PLA2G5: variants seen among roughly 807,000 people sequenced by gnomAD.
PLA2G5 encodes the protein phospholipase A2 group V.
Under a neutral mutation model 15.9 loss-of-function variants are expected in PLA2G5, and 12 were observed. That is an observed-to-expected ratio of 0.76 (90% CI 0.48 to 1.23). The LOEUF (loss-of-function observed/expected upper bound fraction) is 1.23, where lower values mean the gene tolerates loss of function less well. Among genes scored for constraint, PLA2G5 ranks in the 50% most tolerant of loss-of-function variants. The pLI is 0.00. For missense variants in PLA2G5, 169 were observed against 177.1 expected, an observed-to-expected ratio of 0.95 and a Z score of 0.26; for synonymous variants, 71 against 71.4, an observed-to-expected ratio of 0.99 and a Z score of 0.03.
At chr1:20,028,497 G>A (rs941255323) in exon 1 of PLA2G5, 6 of 151,818 alleles carry the variant, frequency 4.0e-5, no homozygotes, top group Non-Finnish European at 8.8e-5. Flanking sequence ...AAAAGGAAGA[G>A]GGGCGTTGTT....
chr1:20,089,946 G>A, intron 4 of PLA2G5, 51 bp downstream of exon 4: 1 of 1,327,942 alleles, frequency 7.5e-7, no homozygotes, highest in Non-Finnish European at 1.1e-6. Flanking sequence ...CTGACTTTAA[G>A]TTCAGCTGCC....
exon 2 of PLA2G5, chr1:20,059,682 C>T (rs530904446): frequency 1.3e-5 from 2 of 152,326 alleles, no homozygotes; most frequent in South Asian, 4.1e-4. Flanking sequence ...ATGGCTAAGG[C>T]TTCCTTGCAG....
At chr1:20,044,796 G>T (rs1246178082) in intron 1 of PLA2G5, among the ~76,000 whole-genome samples, 4 of 152,070 alleles carry the variant, frequency 2.6e-5, no homozygotes, top group African/African-American at 9.7e-5. Flanking sequence ...GCCTGGCAGG[G>T]TGCGATCTGA....
chr1:20,060,988 A>G (rs1313224248), intron 2 of PLA2G5, among the ~76,000 whole-genome samples: 2 of 152,158 alleles, frequency 1.3e-5, no homozygotes, highest in Non-Finnish European at 2.9e-5. Flanking sequence ...AAGTGCCGGG[A>G]TTACAGGCAT....
At chr1:20,077,786 T>C (rs1259762531) in intron 1 of PLA2G5, among the ~76,000 whole-genome samples, 1 of 152,212 alleles carries the variant, frequency 6.6e-6, no homozygotes, top group Non-Finnish European at 1.5e-5. Flanking sequence ...GACACAGATT[T>C]GAACACACGT....
intron 2 of PLA2G5, among the ~76,000 whole-genome samples, chr1:20,064,344 C>G (rs2014902757): frequency 6.6e-6 from 1 of 151,830 alleles, no homozygotes; most frequent in African/African-American, 2.4e-5. Context: ...GAGGCTGAGG[C>G]AGGCAGATGA....
At chr1:20,056,040 C>T (rs1401213345) in intron 1 of PLA2G5, among the ~76,000 whole-genome samples, 1 of 152,156 alleles carries the variant, frequency 6.6e-6, no homozygotes, top group African/African-American at 2.4e-5. Context: ...GTATCTGTCC[C>T]TAAATTCCAG....
chr1:20,058,542 A>G (rs1238495852), intron 1 of PLA2G5, among the ~76,000 whole-genome samples: 5 of 152,320 alleles, frequency 3.3e-5, no homozygotes, highest in Non-Finnish European at 1.5e-5. Flanking sequence ...ACTTGTAGAC[A>G]ACATGCCTGG....
At chr1:20,068,895 G>T, upstream of PLA2G5, 2 of 1,278,458 alleles carry the variant, frequency 1.6e-6, no homozygotes, top group South Asian at 1.2e-5. Context: ...AAGCCTGAGG[G>T]AACACACTCC....
At chr1:20,076,074 C>T (rs993454082) in intron 1 of PLA2G5, among the ~76,000 whole-genome samples, 9 of 151,996 alleles carry the variant, frequency 5.9e-5, no homozygotes, top group Admixed American at 2.0e-4. Context: ...GGTTTCACCT[C>T]ACTGGCCAGG....
intron 1 of PLA2G5, among the ~76,000 whole-genome samples, chr1:20,045,854 T>C (rs1158178859): frequency 6.6e-6 from 1 of 152,236 alleles, no homozygotes; most frequent in Non-Finnish European, 1.5e-5. Context: ...AAAGCCTGTC[T>C]GATGGTTTCT....
chr1:20,038,382 C>G (rs2013393992), intron 1 of PLA2G5, among the ~76,000 whole-genome samples: 1 of 152,184 alleles, frequency 6.6e-6, no homozygotes, highest in African/African-American at 2.4e-5. Flanking sequence ...ACACTAGCAG[C>G]CCTCCCCAAG....
chr1:20,073,360 T>G (rs2015487352), intron 1 of PLA2G5, among the ~76,000 whole-genome samples: 1 of 152,252 alleles, frequency 6.6e-6, no homozygotes, highest in African/African-American at 2.4e-5. Context: ...GCCAAAGTTA[T>G]GGTGAAAGTT....
intron 1 of PLA2G5, among the ~76,000 whole-genome samples, chr1:20,039,582 A>G (rs1422895890): frequency 6.6e-6 from 1 of 152,108 alleles, no homozygotes; most frequent in African/African-American, 2.4e-5. Flanking sequence ...CCTTATTGCA[A>G]TTTACTTAGT....
chr1:20,068,015 A>T (rs1387989412), upstream of PLA2G5, among the ~76,000 whole-genome samples: 1 of 152,070 alleles, frequency 6.6e-6, no homozygotes, highest in East Asian at 1.9e-4. Context: ...GCTTCTCCGG[A>T]GGCTAAGGCA....
intron 1 of PLA2G5, among the ~76,000 whole-genome samples, chr1:20,076,045 T>C (rs1242507562): frequency 6.6e-6 from 1 of 151,990 alleles, no homozygotes; most frequent in Non-Finnish European, 1.5e-5. Flanking sequence ...CTAATTTTTG[T>C]ACTTTTTAGT....
chr1:20,046,136 C>T (rs1481344725), intron 1 of PLA2G5: 1 of 152,158 alleles, frequency 6.6e-6, no homozygotes, highest in Admixed American at 6.5e-5. Flanking sequence ...TGAGACCCAT[C>T]CCTAGGTAAG....
At chr1:20,072,962 G>C (rs1166611467) in intron 1 of PLA2G5, among the ~76,000 whole-genome samples, 1 of 152,170 alleles carries the variant, frequency 6.6e-6, no homozygotes, top group Non-Finnish European at 1.5e-5. Flanking sequence ...CGGGACCTCT[G>C]CCCACAAAAT....
intron 1 of PLA2G5, among the ~76,000 whole-genome samples, chr1:20,029,852 G>C (rs552904372): frequency 6.6e-5 from 10 of 152,356 alleles, no homozygotes; most frequent in African/African-American, 2.2e-4. Flanking sequence ...CAGTGTGTAT[G>C]TTCCTGACCA....
Sources: gnomAD v4.1 joint callset for allele counts (sites outside exome capture counted in the v4.1 genomes callset) on GRCh38, gnomAD v4.1.1 for gene constraint, MANE v1.5 for transcripts, NCBI Gene and HGNC (gene_info 2026-07-23, HGNC 2026-07-21) for gene names.